GABRG3: variants seen among roughly 807,000 people sequenced by gnomAD.
The protein encoded by GABRG3 is gamma-aminobutyric acid type A receptor subunit gamma3, also known as gamma-aminobutyric acid receptor subunit gamma-3.
In GABRG3, 25 loss-of-function variants were observed where a neutral mutation model predicts 48.8. The observed-to-expected ratio is 0.51, with a 90% confidence interval of 0.37 to 0.72. The LOEUF is 0.72. Among genes scored for constraint, GABRG3 ranks in the 30% least tolerant of loss-of-function variants. The pLI is 0.00. For missense variants in GABRG3, 394 were observed against 577.9 expected (o/e 0.68, Z 3.26); for synonymous variants, 227 against 217.6 (o/e 1.04, Z -0.38).
chr15:26,975,435 C>T lies in GABRG3; in HGVS notation c.54-1567C>T, dbSNP rs528623962. 1.2e-4 allele frequency among the ~76,000 whole-genome samples: 18 copies of T among 152,188 alleles called. No individual in the cohort carries two copies. In the East Asian group the frequency reaches 1.9e-3, roughly 16 times the overall value. ...TACTTTAAGATCAGCCTAGGAAAAACGTAAGTGGGGAAGTCATTCTTTGAG... is the reference window on the plus strand; with the variant it reads ...TACTTTAAGATCAGCCTAGGAAAAATGTAAGTGGGGAAGTCATTCTTTGAG... On this transcript the variant is annotated intron_variant, in intron 1 of 9. Transcript: ENST00000615808. This position sits in a 1 kb window ranked among gnomAD's most constrained non-coding sequence, Gnocchi z 4.6.
chr15:27,376,647 C>T (rs1401819236), intron 5 of GABRG3, among the ~76,000 whole-genome samples: 3 of 152,298 alleles, frequency 2.0e-5, no homozygotes, highest in Non-Finnish European at 2.9e-5. Flanking sequence ...ATGTTGGCCC[C>T]TTTCAGCCAT....
intron 3 of GABRG3, among the ~76,000 whole-genome samples, chr15:27,301,317 T>C (rs1311826483): frequency 6.6e-6 from 1 of 152,190 alleles, no homozygotes; most frequent in Non-Finnish European, 1.5e-5. Context: ...CACATTTTGT[T>C]TCTAGGGTTT....
At chr15:27,340,186 G>C (rs1369642504) in intron 5 of GABRG3, among the ~76,000 whole-genome samples, 1 of 152,172 alleles carries the variant, frequency 6.6e-6, no homozygotes, top group African/African-American at 2.4e-5. Flanking sequence ...ACTTAAGTTA[G>C]CTCAGAAAGC....
chr15:27,244,961 A>G (rs1644086918), intron 3 of GABRG3, among the ~76,000 whole-genome samples: 2 of 152,138 alleles, frequency 1.3e-5, no homozygotes, highest in Admixed American at 6.5e-5. Context: ...AAAAATTTCC[A>G]CGGGCTCCTT....
chr15:27,014,564 T>C (rs1348686622), intron 2 of GABRG3, among the ~76,000 whole-genome samples: 2 of 152,160 alleles, frequency 1.3e-5, no homozygotes. Context: ...TGTTTAAGAG[T>C]AAATTATTCA....
In GABRG3 at chr15:26,979,222, T is replaced by TAAA. The variant is rs560355739; in HGVS notation, c.202+2072_202+2073insAAA. Among the ~76,000 whole-genome samples the TAAA allele has an allele frequency of 1.9e-4, 29 of 152,348 alleles. No individual in the cohort carries two copies. In the South Asian group the frequency reaches 5.6e-3, roughly 29 times the overall value. On this transcript the variant is annotated intron_variant, in intron 2 of 9. Coordinates refer to ENST00000615808, the MANE Select transcript of GABRG3 (RefSeq NM_033223.5). ...TTATTAGTTATAGAAGTTTGGGACTTTTTTTGTTTGTTTGTTTTGTAGGTT... is the reference window on the plus strand; with the variant it reads ...TTATTAGTTATAGAAGTTTGGGACTTAAATTTTTGTTTGTTTGTTTTGTAGGTT...
At chr15:27,384,761 C>T (rs1895873476) in intron 5 of GABRG3, among the ~76,000 whole-genome samples, 1 of 152,114 alleles carries the variant, frequency 6.6e-6, no homozygotes. Context: ...AAATGTTAAA[C>T]TCATAATATG....
intron 6 of GABRG3, among the ~76,000 whole-genome samples, chr15:27,486,840 C>T (rs1890232600): frequency 1.3e-5 from 2 of 152,158 alleles, no homozygotes; most frequent in African/African-American, 2.4e-5. Flanking sequence ...GAGAGATTTA[C>T]GCATTGTCTT....
chr15:27,267,102 CTTT>C (rs57772496), intron 3 of GABRG3, among the ~76,000 whole-genome samples: 16,306 of 112,770 alleles, frequency 0.14, 1,233 homozygotes, highest in African/African-American at 0.28. Flanking sequence ...TAGTCTTTTA[CTTT>C]TTTTTTTTTT....
At chr15:27,011,857 A>G (rs1196138705) in intron 2 of GABRG3, among the ~76,000 whole-genome samples, 1 of 151,910 alleles carries the variant, frequency 6.6e-6, no homozygotes, top group Non-Finnish European at 1.5e-5. Context: ...CAAAAAAAAA[A>G]AAAAAAGATC....
chr15:27,263,983 T>A (rs1360190879), intron 3 of GABRG3, among the ~76,000 whole-genome samples: 1 of 150,610 alleles, frequency 6.6e-6, no homozygotes, highest in Non-Finnish European at 1.5e-5. Context: ...AAGCACAGGA[T>A]GCTTTGAGAA....
chr15:27,337,597 T>G (rs1211092047), intron 5 of GABRG3, among the ~76,000 whole-genome samples: 1 of 152,036 alleles, frequency 6.6e-6, no homozygotes, highest in Non-Finnish European at 1.5e-5. Flanking sequence ...CACGCAGAGG[T>G]CTTCACACAA....
intron 2 of GABRG3, among the ~76,000 whole-genome samples, chr15:26,996,108 G>A (rs1772686674): frequency 6.6e-6 from 1 of 152,000 alleles, no homozygotes; most frequent in Non-Finnish European, 1.5e-5. Context: ...AATTATATAT[G>A]TACTTTTTTA....
chr15:27,500,493 G>A (rs1043774361), intron 6 of GABRG3, among the ~76,000 whole-genome samples: 2 of 152,222 alleles, frequency 1.3e-5, no homozygotes, highest in Non-Finnish European at 2.9e-5. Flanking sequence ...GAAAGGTACA[G>A]AGTGGTGCAA....
At chr15:27,041,989 G>A (rs1005435434) in intron 3 of GABRG3, among the ~76,000 whole-genome samples, 1 of 152,170 alleles carries the variant, frequency 6.6e-6, no homozygotes, top group African/African-American at 2.4e-5. Context: ...CCTGTTCTAC[G>A]TGCAATGCAG....
In GABRG3 at chr15:27,265,881, G is replaced by GTTTTTTTTTTTT. The variant is rs147459440; in HGVS notation, c.271-60928_271-60927insTTTTTTTTTTTT. On this transcript the variant is annotated intron_variant, in intron 3 of 9. Coordinates refer to ENST00000615808, the MANE Select transcript of GABRG3 (RefSeq NM_033223.5). Reference sequence around the variant, plus strand: ...TGCAAGGTCAAGAAGATTTTCTCCTGGTTTTTTTTTTTTTTTGAGAGTGAC... The same window carrying GTTTTTTTTTTTT: ...TGCAAGGTCAAGAAGATTTTCTCCTGTTTTTTTTTTTTGTTTTTTTTTTTTTTTGAGAGTGAC... 3.9e-4 allele frequency among the ~76,000 whole-genome samples: 49 copies of GTTTTTTTTTTTT among 124,846 alleles called. 5 individuals are homozygous for GTTTTTTTTTTTT. Among genetic ancestry groups the GTTTTTTTTTTTT allele is most frequent in the Middle Eastern group, 8.3e-3 (2 of 242 alleles). 81.9% of individuals were successfully genotyped at this position (124,846 alleles called of 152,430 possible).
At chr15:27,325,013 G>A (rs1334960261) in intron 3 of GABRG3, among the ~76,000 whole-genome samples, 1 of 152,192 alleles carries the variant, frequency 6.6e-6, no homozygotes, top group Non-Finnish European at 1.5e-5. Context: ...CTTTGGCACT[G>A]CAAAGTCCCC....
At chr15:27,526,306 G>A (rs1160059846) in intron 7 of GABRG3, among the ~76,000 whole-genome samples, 7 of 152,234 alleles carry the variant, frequency 4.6e-5, no homozygotes, top group African/African-American at 9.6e-5. Context: ...AACAGAGGCC[G>A]TGATGCTGCA....
chr15:27,195,040 C>T (rs960405680), intron 3 of GABRG3, among the ~76,000 whole-genome samples: 4 of 152,122 alleles, frequency 2.6e-5, no homozygotes, highest in Admixed American at 1.3e-4. Flanking sequence ...TTTGTGGCAT[C>T]CTCACTATTA....
Sources: allele counts gnomAD v4.1 joint callset (sites outside exome capture counted in the v4.1 genomes callset), GRCh38; gene constraint gnomAD v4.1.1; non-coding constraint Gnocchi (gnomAD v3.1); transcripts MANE v1.5; gene names NCBI Gene and HGNC (gene_info 2026-07-23, HGNC 2026-07-21).